Variants in PTPRT observed in about 807,000 individuals in gnomAD.
PTPRT encodes the protein receptor-type tyrosine-protein phosphatase T.
Under a neutral mutation model 176.8 loss-of-function variants are expected in PTPRT, and 56 were observed. That is an observed-to-expected ratio of 0.32 (90% CI 0.26 to 0.40). PTPRT has a LOEUF of 0.40. PTPRT is among the 10% of genes least tolerant of loss of function. The pLI is 1.00. For missense variants in PTPRT, 1,540 were observed against 1,908.2 expected (o/e 0.81, Z 3.60); for synonymous variants, 783 against 739.0 (o/e 1.06, Z -0.96).
At chr20:42,344,944 C>G (rs1289545601) in intron 11 of PTPRT, among the ~76,000 whole-genome samples, 1 of 152,064 alleles carries the variant, frequency 6.6e-6, no homozygotes, top group African/African-American at 2.4e-5. Context: ...TCTTCACTAA[C>G]TCCTCCTCAT....
chr20:42,955,337 C>T (rs1044340061), intron 1 of PTPRT, among the ~76,000 whole-genome samples: 2 of 152,172 alleles, frequency 1.3e-5, no homozygotes, highest in Non-Finnish European at 1.5e-5. Flanking sequence ...CCACAAGGTC[C>T]TGCATTAAAA....
At chr20:42,801,239 C>A (rs1036059632) in intron 2 of PTPRT, among the ~76,000 whole-genome samples, 1 of 152,264 alleles carries the variant, frequency 6.6e-6, no homozygotes, top group Non-Finnish European at 1.5e-5. Flanking sequence ...ACTGAAGGTG[C>A]GTGTATCACA....
At chr20:42,136,468 G>C (rs1221632527) in intron 18 of PTPRT, among the ~76,000 whole-genome samples, 2 of 152,096 alleles carry the variant, frequency 1.3e-5, no homozygotes. Flanking sequence ...GCTGGCTTGG[G>C]CATGATGCAG....
At chr20:43,126,274 C>G (rs1171240051) in intron 1 of PTPRT, among the ~76,000 whole-genome samples, 1 of 151,778 alleles carries the variant, frequency 6.6e-6, no homozygotes, top group African/African-American at 2.4e-5. Context: ...TCGCTTGAAC[C>G]TGGGAGATGG....
At chr20:42,669,680 A>C (rs910856306) in intron 7 of PTPRT, among the ~76,000 whole-genome samples, 1 of 152,090 alleles carries the variant, frequency 6.6e-6, no homozygotes, top group African/African-American at 2.4e-5. Flanking sequence ...TATTTTCTAG[A>C]CCTTCAATTA....
At chr20:42,327,134 A>T (rs1429035164) in intron 11 of PTPRT, among the ~76,000 whole-genome samples, 1 of 151,676 alleles carries the variant, frequency 6.6e-6, no homozygotes, top group African/African-American at 2.4e-5. Context: ...AGAGAAACAT[A>T]TAATTTTATG....
chr20:42,819,577 G>T (rs1266535639), intron 2 of PTPRT, among the ~76,000 whole-genome samples: 1 of 152,080 alleles, frequency 6.6e-6, no homozygotes, highest in East Asian at 1.9e-4. Flanking sequence ...TAAATGAGCT[G>T]AATGCCCCAA....
At chr20:42,454,853 G>A (rs779724561) in intron 8 of PTPRT, among the ~76,000 whole-genome samples, 1 of 152,158 alleles carries the variant, frequency 6.6e-6, no homozygotes, top group Non-Finnish European at 1.5e-5. Context: ...ACTGAATAAT[G>A]CTTACTGCAA....
chr20:42,171,777 A>G (rs1990089717), intron 16 of PTPRT, among the ~76,000 whole-genome samples: 1 of 152,204 alleles, frequency 6.6e-6, no homozygotes, highest in African/African-American at 2.4e-5. Context: ...AGAAATCAAC[A>G]TTAAAAAAAC....
At chr20:43,145,910 G>A (rs538191565) in intron 1 of PTPRT, among the ~76,000 whole-genome samples, 31 of 152,316 alleles carry the variant, frequency 2.0e-4, no homozygotes, top group Non-Finnish European at 8.8e-5. Flanking sequence ...TAAAGCAACA[G>A]AGTCTGTTGA....
At chr20:42,447,978 G>A (rs187539391) in intron 9 of PTPRT, among the ~76,000 whole-genome samples, 1 of 152,260 alleles carries the variant, frequency 6.6e-6, no homozygotes, top group East Asian at 1.9e-4. Flanking sequence ...TTGTGGATGA[G>A]GTCAGTTGTC....
chr20:42,411,849 A>G (rs2059022129), intron 9 of PTPRT, among the ~76,000 whole-genome samples: 1 of 16,292 alleles, frequency 6.1e-5, no homozygotes. Context: ...AATATCTACA[A>G]AAAAAAAAAT....
intron 1 of PTPRT, among the ~76,000 whole-genome samples, chr20:43,118,189 A>G (rs1239855568): frequency 6.6e-6 from 1 of 152,178 alleles, no homozygotes; most frequent in Non-Finnish European, 1.5e-5. Flanking sequence ...GTGCTCCAAT[A>G]TAACTTTAGT....
chr20:42,341,220 T>G (rs561676137), intron 11 of PTPRT, among the ~76,000 whole-genome samples: 4 of 152,300 alleles, frequency 2.6e-5, no homozygotes, highest in South Asian at 2.1e-4. Context: ...AGCATCCAGG[T>G]TGCCTGGCCC....
intron 9 of PTPRT, among the ~76,000 whole-genome samples, chr20:42,423,502 C>T (rs2145778026): frequency 6.6e-6 from 1 of 152,320 alleles, no homozygotes; most frequent in South Asian, 2.1e-4. Flanking sequence ...CTGGTCTCAG[C>T]CTTCTTCCAG....
intron 12 of PTPRT, among the ~76,000 whole-genome samples, chr20:42,306,706 G>A (rs534937442): frequency 6.6e-6 from 1 of 152,270 alleles, no homozygotes; most frequent in Non-Finnish European, 1.5e-5. Flanking sequence ...CAGGTCTAAG[G>A]TCTGCTGAGT....
At chr20:42,718,529 T>TCTG (rs2146222729) in intron 6 of PTPRT, among the ~76,000 whole-genome samples, 1 of 152,064 alleles carries the variant, frequency 6.6e-6, no homozygotes, top group African/African-American at 2.4e-5. Context: ...AGAGCAAGAC[T>TCTG]CTGCCTTAAA....
chr20:42,308,783 A>G (rs1007655097), intron 12 of PTPRT, among the ~76,000 whole-genome samples: 22 of 152,124 alleles, frequency 1.4e-4, no homozygotes, highest in African/African-American at 5.1e-4. Context: ...GCCACAGAAA[A>G]CCCATCCATG....
intron 7 of PTPRT, among the ~76,000 whole-genome samples, chr20:42,564,077 G>C (rs1017494617): frequency 6.6e-6 from 1 of 152,310 alleles, no homozygotes; most frequent in East Asian, 1.9e-4. Flanking sequence ...GCCAGGGCTG[G>C]AGGTGACTCA....
Sources: allele counts gnomAD v4.1 joint callset (sites outside exome capture counted in the v4.1 genomes callset), GRCh38; gene constraint gnomAD v4.1.1; transcripts MANE v1.5; gene names NCBI Gene and HGNC (gene_info 2026-07-23, HGNC 2026-07-21).